The following FAM107B variants were observed in gnomAD, a reference collection of about 807,000 sequenced individuals.
FAM107B encodes protein FAM107B.
Under a neutral mutation model 31.5 loss-of-function variants are expected in FAM107B, and 21 were observed. That is an observed-to-expected ratio of 0.67 (90% CI 0.47 to 0.96). The LOEUF is 0.96. FAM107B is among the 40% of genes least tolerant of loss of function. The pLI, the probability that FAM107B is intolerant of heterozygous loss-of-function variation, is 0.00. For synonymous variants in FAM107B, 157 were observed against 141.5 expected, an observed-to-expected ratio of 1.11 and a Z score of -0.78; for missense variants, 452 against 377.1, an observed-to-expected ratio of 1.20 and a Z score of -1.64.
chr10:14,535,574 GAAGCTTCT>G (rs1847520722), intron 2 of FAM107B, among the ~76,000 whole-genome samples: 1 of 150,590 alleles, frequency 6.6e-6, no homozygotes, highest in African/African-American at 2.4e-5. Context: ...ACTAACATAA[GAAGCTTCT>G]GGAAAGTCTA....
intron 1 of FAM107B, among the ~76,000 whole-genome samples, chr10:14,691,908 A>AATT (rs1855146832): frequency 6.6e-6 from 1 of 151,716 alleles, no homozygotes; most frequent in Non-Finnish European, 1.5e-5. Flanking sequence ...AAAAAAAAAA[A>AATT]AAATTAAACT....
chr10:14,546,906 C>T (rs1848745407), intron 2 of FAM107B, among the ~76,000 whole-genome samples: 2 of 152,174 alleles, frequency 1.3e-5, no homozygotes, highest in Admixed American at 1.3e-4. Flanking sequence ...CCAGATGCCC[C>T]CTTTTCTCAC....
At chr10:14,603,265 T>A (rs558769039) in intron 2 of FAM107B, among the ~76,000 whole-genome samples, 1 of 152,298 alleles carries the variant, frequency 6.6e-6, no homozygotes, top group South Asian at 2.1e-4. Flanking sequence ...AGATAGAATT[T>A]CCAAAGTGAT....
chr10:14,572,166 G>A (rs773245991), intron 2 of FAM107B: 24 of 985,112 alleles, frequency 2.4e-5, no homozygotes, highest in South Asian at 9.4e-5. Context: ...GACCTCATCC[G>A]GCACAGAAGC....
At chr10:14,703,910 G>C (rs1234850128) in intron 1 of FAM107B, among the ~76,000 whole-genome samples, 4 of 152,230 alleles carry the variant, frequency 2.6e-5, no homozygotes, top group Non-Finnish European at 4.4e-5. Flanking sequence ...GGCTTGAGTA[G>C]AGAACCAGGC....
chr10:14,665,114 G>A (rs888659171), intron 2 of FAM107B, among the ~76,000 whole-genome samples: 1 of 152,174 alleles, frequency 6.6e-6, no homozygotes, highest in Non-Finnish European at 1.5e-5. Flanking sequence ...TTGAAGAAGG[G>A]AAAGTAATAA....
Position 14,587,454 on chromosome 10 carries a change from T to C in FAM107B, c.470-56939A>G, listed in dbSNP as rs1851881932. 2.0e-5 allele frequency among the ~76,000 whole-genome samples: 3 copies of C among 152,240 alleles called. No homozygotes were observed. In the South Asian group the frequency reaches 6.2e-4, roughly 32 times the overall value. On this transcript the variant is annotated intron_variant, in intron 2 of 4. Transcript: ENST00000181796. ...GGACAACAGACACAGTCGACAAAGA[T>C]AGTTCTCATACATTTAAATAAATGC...
At chr10:14,659,491 A>T (rs1400562482) in intron 2 of FAM107B, among the ~76,000 whole-genome samples, 1 of 152,054 alleles carries the variant, frequency 6.6e-6, no homozygotes, top group Non-Finnish European at 1.5e-5. Context: ...TGTCTGCCCT[A>T]AGGTTAAGGG....
chr10:14,614,003 C>T (rs1389468504), intron 2 of FAM107B, among the ~76,000 whole-genome samples: 3 of 151,922 alleles, frequency 2.0e-5, no homozygotes, highest in South Asian at 4.2e-4. Flanking sequence ...TGTTGGCGGG[C>T]GCCTGTAGTC....
chr10:14,556,219 A>T (rs1564562298), intron 2 of FAM107B: 11 of 326,610 alleles, frequency 3.4e-5, no homozygotes, highest in Non-Finnish European at 4.8e-5. Flanking sequence ...GACTAGCTTA[A>T]AGTGACTTTC....
At chr10:14,543,709 AC>A (rs973515848) in intron 2 of FAM107B, among the ~76,000 whole-genome samples, 15 of 149,692 alleles carry the variant, frequency 1.0e-4, no homozygotes, top group African/African-American at 2.5e-4. Context: ...AAAAAAAAAA[AC>A]CAAAAACTCT....
chr10:14,526,316 G>A (rs1362923079), intron 3 of FAM107B, among the ~76,000 whole-genome samples: 1 of 152,162 alleles, frequency 6.6e-6, no homozygotes, highest in Non-Finnish European at 1.5e-5. Flanking sequence ...TGGGACTACA[G>A]GCGCGTGCCA....
chr10:14,648,348 A>C (rs1327561433), intron 2 of FAM107B, among the ~76,000 whole-genome samples: 1 of 152,246 alleles, frequency 6.6e-6, no homozygotes, highest in Non-Finnish European at 1.5e-5. Context: ...AACGAGGGGA[A>C]ACAAAAAGCC....
At chr10:14,765,800 G>A (rs935471777) in intron 1 of FAM107B, among the ~76,000 whole-genome samples, 3 of 152,150 alleles carry the variant, frequency 2.0e-5, no homozygotes, top group Non-Finnish European at 4.4e-5. Flanking sequence ...CTCATCTTCT[G>A]TTCAGGCCCA....
intron 3 of FAM107B, among the ~76,000 whole-genome samples, chr10:14,526,591 T>A (rs1053909781): frequency 6.6e-6 from 1 of 152,242 alleles, no homozygotes; most frequent in Non-Finnish European, 1.5e-5. Context: ...TTGTATCCTT[T>A]ATCTCTAGAA....
chr10:14,573,434 A>G (rs1350373048), intron 2 of FAM107B, among the ~76,000 whole-genome samples: 3 of 152,058 alleles, frequency 2.0e-5, no homozygotes, highest in Non-Finnish European at 4.4e-5. Context: ...AACTATAAGA[A>G]ACACATTTTT....
At chr10:14,542,092 T>C (rs570601058) in intron 2 of FAM107B, among the ~76,000 whole-genome samples, 1 of 151,910 alleles carries the variant, frequency 6.6e-6, no homozygotes, top group Admixed American at 6.6e-5. Context: ...CCATCTCTAC[T>C]TAAAAAAATA....
intron 2 of FAM107B, among the ~76,000 whole-genome samples, chr10:14,544,210 T>C (rs1848499147): frequency 6.6e-6 from 1 of 152,126 alleles, no homozygotes; most frequent in African/African-American, 2.4e-5. Context: ...TTTTAAAAAA[T>C]CAAGACCCTT....
At chr10:14,528,366 G>A (rs1846562858) in intron 3 of FAM107B, among the ~76,000 whole-genome samples, 1 of 152,006 alleles carries the variant, frequency 6.6e-6, no homozygotes, top group African/African-American at 2.4e-5. Flanking sequence ...ATTTTTAGTA[G>A]AGACAGGGTT....
Sources: allele counts gnomAD v4.1 joint callset (sites outside exome capture counted in the v4.1 genomes callset), GRCh38; gene constraint gnomAD v4.1.1; transcripts MANE v1.5; gene names NCBI Gene and HGNC (gene_info 2026-07-23, HGNC 2026-07-21).